Variants in ABCC3 observed in about 807,000 individuals in gnomAD.
The protein encoded by ABCC3 is ATP-binding cassette sub-family C member 3.
ABCC3 carries 121 observed loss-of-function variants against 165.3 expected under a neutral mutation model. The ratio of observed to expected loss-of-function variants is 0.73; its 90% confidence interval spans 0.63 to 0.85. The LOEUF (loss-of-function observed/expected upper bound fraction) is 0.85, where lower values mean the gene tolerates loss of function less well. Ranked by LOEUF, ABCC3 falls within the 40% of genes least tolerant of loss-of-function variation. The pLI, the probability that ABCC3 is intolerant of heterozygous loss-of-function variation, is 0.00. For missense variants in ABCC3, 1,869 were observed against 1,964.1 expected, an observed-to-expected ratio of 0.95 and a Z score of 0.92; for synonymous variants, 733 against 810.1, an observed-to-expected ratio of 0.90 and a Z score of 1.62.
chr17:50,637,549 G>A (rs1187293148), intron 1 of ABCC3, among the ~76,000 whole-genome samples: 3 of 152,198 alleles, frequency 2.0e-5, no homozygotes, highest in Non-Finnish European at 4.4e-5. Context: ...ACCTGAACTA[G>A]GAGTGAAAAT....
intron 7 of ABCC3, 84 bp downstream of exon 7, chr17:50,659,452 C>A: frequency 6.7e-7 from 1 of 1,481,574 alleles, no homozygotes; most frequent in Non-Finnish European, 9.1e-7. Flanking sequence ...CCTTGGAGGG[C>A]GGCATTGCTG....
intron 1 of ABCC3, among the ~76,000 whole-genome samples, chr17:50,648,862 C>T (rs1967055303): frequency 6.6e-6 from 1 of 152,224 alleles, no homozygotes; most frequent in Admixed American, 6.5e-5. Context: ...CGCCTGTAAT[C>T]CCAGCACTTT....
chr17:50,639,777 T>C (rs1288757314), intron 1 of ABCC3, among the ~76,000 whole-genome samples: 9 of 151,814 alleles, frequency 5.9e-5, no homozygotes, highest in Non-Finnish European at 5.9e-5. Flanking sequence ...CTTTTTTTTT[T>C]TTTTGTGACA....
intron 7 of ABCC3, 42 bp downstream of exon 7, chr17:50,659,410 A>G (rs1167207721): frequency 1.3e-6 from 2 of 1,576,260 alleles, no homozygotes; most frequent in Non-Finnish European, 1.7e-6. Flanking sequence ...CCCTTCGCTT[A>G]CCCCAGATCT....
chr17:50,675,657 G>T lies in ABCC3; in HGVS notation c.2741G>T (p.Gly914Val). Residue 914 changes from glycine (G) to valine (V), a missense_variant, in exon 21 of 31, where the codon GGG (glycine) becomes GTG (valine). By Grantham distance (109) the Gly-to-Val change is moderately radical (BLOSUM62 -3). Coordinates refer to ENST00000285238, the MANE Select transcript of ABCC3 (RefSeq NM_003786.4). Reference protein sequence around the residue: ...MRQLSALSSDGEGQGRPVPRR... With the variant: ...MRQLSALSSDVEGQGRPVPRR... ...CAGCTGAGTGCCCTGTCCTCAGATG[G>T]GGAGGGACAGGGTCGGCCTGTACCC... 6.4e-7 allele frequency: 1 copy of T among 1,572,282 alleles called. No homozygotes were observed. Among genetic ancestry groups the T allele is most frequent in the East Asian group, 2.3e-5 (1 of 42,836 alleles).
rs1967450540 is a variant in ABCC3 at position 50,663,713 on chromosome 17, C to T, written c.1031C>T (p.Ala344Val). The change falls in exon 9 of 31, where the codon GCC (alanine) becomes GTC (valine). Residue 344 changes from alanine to valine, a missense_variant. Physicochemically the swap from Ala to Val is moderately conservative, Grantham distance 64. Coordinates refer to ENST00000285238, the MANE Select transcript of ABCC3 (RefSeq NM_003786.4). ...ILIRFISNPM[A>V]PSWWGFLVAG... is the part of the protein sequence containing the mutation. ...ATCAGGTTTATCTCCAACCCCATGG[C>T]CCCCTCCTGGTGGGGCTTCCTGGTG... 1 of 1,614,192 alleles carries T rather than the reference C, an allele frequency of 6.2e-7. No homozygotes were observed. Among genetic ancestry groups the T allele is most frequent in the Non-Finnish European group, 8.5e-7 (1 of 1,180,040 alleles).
intron 23 of ABCC3, 113 bp downstream of exon 23, chr17:50,676,701 T>A: frequency 9.6e-7 from 1 of 1,038,128 alleles, no homozygotes; most frequent in African/African-American, 1.6e-5. Context: ...CAGAGTTTTG[T>A]TAGGGGCAGT....
At chr17:50,643,573 C>G (rs774526693) in intron 1 of ABCC3, 14 of 456,208 alleles carry the variant, frequency 3.1e-5, no homozygotes, top group South Asian at 2.0e-4. Flanking sequence ...CCTGACTCAC[C>G]AAGGCCCTCA....
At chr17:50,648,657 C>T (rs1171871136) in intron 1 of ABCC3, among the ~76,000 whole-genome samples, 1 of 152,174 alleles carries the variant, frequency 6.6e-6, no homozygotes, top group Non-Finnish European at 1.5e-5. Context: ...ACTCTGTCTT[C>T]AGTAGCTGTT....
intron 14 of ABCC3, 54 bp downstream of exon 14, chr17:50,668,571 C>T: frequency 2.8e-6 from 4 of 1,433,510 alleles, no homozygotes; most frequent in Non-Finnish European, 3.9e-6. Flanking sequence ...CCAGAAAAAC[C>T]TCTGTTTCAA....
intron 1 of ABCC3, among the ~76,000 whole-genome samples, chr17:50,642,666 C>A (rs1301945641): frequency 1.3e-5 from 2 of 152,214 alleles, no homozygotes; most frequent in Non-Finnish European, 2.9e-5. Context: ...AAGGGGCTCA[C>A]CAACAGTTGC....
At chr17:50,667,049 G>A (rs942916260) in intron 11 of ABCC3, among the ~76,000 whole-genome samples, 12 of 152,050 alleles carry the variant, frequency 7.9e-5, no homozygotes, top group South Asian at 2.1e-4. Flanking sequence ...GTGAGACCTC[G>A]TCCCTACAAA....
rs746023660 is a variant in ABCC3, at chr17:50,655,854, C to G, written c.68C>G (p.Thr23Arg). The change falls in exon 2 of 31, where the codon ACA becomes AGA. Residue 23 changes from threonine (T) to arginine (R), a missense_variant. By Grantham distance (71) the Thr-to-Arg change is moderately conservative. Transcript: ENST00000285238. ...KFWDSNLSVH[T>R]ENPDLTPCFQ... ...CAGGACTCCAACCTGTCTGTGCACA[C>G]AGAAAACCCGGACCTCACTCCCTGC... 5.0e-5 allele frequency: 81 copies of G among 1,613,930 alleles called. No individual in the cohort carries two copies. The highest frequency in any genetic ancestry group is 6.5e-5 in the Non-Finnish European group (77 of 1,179,988).
intron 19 of ABCC3, among the ~76,000 whole-genome samples, chr17:50,673,918 T>TTCTTTCTTTCTTTCTC (rs1967709805): frequency 7.3e-5 from 1 of 13,614 alleles, no homozygotes; most frequent in Non-Finnish European, 1.4e-4. Flanking sequence ...CTTTCTTTCT[T>TTCTTTCTTTCTTTCTC]TCTTTCTTTC....
chr17:50,673,184 C>T, intron 18 of ABCC3, 46 bp downstream of exon 18: 1 of 1,605,736 alleles, frequency 6.2e-7, no homozygotes, highest in Non-Finnish European at 8.5e-7. Context: ...GATCTGAGGC[C>T]CGAAGAGAGA....
intron 1 of ABCC3, among the ~76,000 whole-genome samples, chr17:50,653,624 A>G (rs756829857): frequency 1.3e-5 from 2 of 151,448 alleles, no homozygotes; most frequent in African/African-American, 4.9e-5. Context: ...GTGGAGGCAC[A>G]CACCTGTAAT....
chr17:50,644,262 G>C (rs1466167347), intron 1 of ABCC3, among the ~76,000 whole-genome samples: 1 of 124,150 alleles, frequency 8.1e-6, no homozygotes, highest in African/African-American at 3.0e-5. Flanking sequence ...AGTGAGCCAA[G>C]GTCACACCAC....
Position 50,635,581 on chromosome 17 carries a change from C to A in ABCC3, c.45+600C>A, listed in dbSNP as rs1356516957. On this transcript the variant is annotated intron_variant, in intron 1 of 30. Transcript: ENST00000285238. ...CCACTCCGGACTCAGAAGGGAGAAG[C>A]AGACCCCAGTCTGGAGACAGGTGCA... 3 of 702,592 alleles carry A rather than the reference C, an allele frequency of 4.3e-6. No homozygotes were observed. In the East Asian group the frequency reaches 8.0e-5, roughly 19 times the overall value. 43.5% of individuals were successfully genotyped at this position (702,592 alleles called of 1,614,324 possible). A position where few individuals can be genotyped will look rare whatever the true frequency, so the allele number is the denominator to read the frequency against.
chr17:50,689,993 G>A (rs115938168), intron 30 of ABCC3, among the ~76,000 whole-genome samples: 148 of 152,296 alleles, frequency 9.7e-4, no homozygotes, highest in African/African-American at 3.5e-3. Context: ...GTGTGTGCAG[G>A]CCAGAAAAAG....
Sources: gnomAD v4.1 joint callset for allele counts (sites outside exome capture counted in the v4.1 genomes callset) on GRCh38, gnomAD v4.1.1 for gene constraint, MANE v1.5 for transcripts, NCBI Gene and HGNC (gene_info 2026-07-23, HGNC 2026-07-21) for gene names.